The following LRRC3B variants were observed in gnomAD, a reference collection of about 807,000 sequenced individuals.
The protein encoded by LRRC3B is leucine rich repeat containing 3B, also known as leucine-rich repeat-containing protein 3B.
A neutral mutation model predicts 12.8 loss-of-function variants in LRRC3B; 2 were observed. The observed-to-expected ratio is 0.16, with a 90% CI of 0.06 to 0.49. The LOEUF (loss-of-function observed/expected upper bound fraction) is 0.49, where lower values mean the gene tolerates loss of function less well. Ranked by LOEUF, LRRC3B falls within the 20% of genes least tolerant of loss-of-function variation. The pLI is 0.96. For synonymous variants in LRRC3B, 132 were observed against 122.0 expected (o/e 1.08, Z -0.54); for missense variants, 189 against 319.4 (o/e 0.59, Z 3.11).
chr3:26,663,411 A>C (rs1368687691), intron 1 of LRRC3B, among the ~76,000 whole-genome samples: 1 of 152,056 alleles, frequency 6.6e-6, no homozygotes. Flanking sequence ...TTTTAAGAGA[A>C]TTTTGTTAAT....
chr3:26,659,447 T>C (rs1699447326), intron 1 of LRRC3B, among the ~76,000 whole-genome samples: 1 of 152,194 alleles, frequency 6.6e-6, no homozygotes, highest in Non-Finnish European at 1.5e-5. Flanking sequence ...CCTCTCAGGA[T>C]TTTTGGAAAG....
exon 2 of LRRC3B, chr3:26,709,720 C>A (rs762986033): frequency 1.9e-6 from 3 of 1,614,070 alleles, no homozygotes; most frequent in Non-Finnish European, 2.5e-6. Flanking sequence ...CCATGTGTCT[C>A]CTCCTACAAA....
intron 1 of LRRC3B, among the ~76,000 whole-genome samples, chr3:26,668,154 G>GT (rs1445721341): frequency 6.6e-6 from 1 of 152,088 alleles, no homozygotes; most frequent in Non-Finnish European, 1.5e-5. Context: ...GAGTAGGTTA[G>GT]TTTTCTTTTT....
At chr3:26,685,200 A>C (rs1031305650) in intron 1 of LRRC3B, among the ~76,000 whole-genome samples, 1 of 151,938 alleles carries the variant, frequency 6.6e-6, no homozygotes, top group Admixed American at 6.6e-5. Context: ...TGATCCACCC[A>C]CCTTGGCCTC....
intron 1 of LRRC3B, among the ~76,000 whole-genome samples, chr3:26,640,857 A>C (rs1018130360): frequency 6.6e-6 from 1 of 152,206 alleles, no homozygotes; most frequent in Non-Finnish European, 1.5e-5. Flanking sequence ...TTGATCCAGG[A>C]AAGGTCAAAT....
intron 1 of LRRC3B, among the ~76,000 whole-genome samples, chr3:26,700,360 AAG>A (rs940373292): frequency 2.0e-5 from 3 of 152,242 alleles, no homozygotes; most frequent in Middle Eastern, 3.4e-3. Flanking sequence ...TGGCCAGGAA[AAG>A]AGATATAGAA....
intron 1 of LRRC3B, among the ~76,000 whole-genome samples, chr3:26,660,467 T>G (rs1699470766): frequency 6.6e-6 from 1 of 152,054 alleles, no homozygotes; most frequent in Non-Finnish European, 1.5e-5. Context: ...GATTTTTTTC[T>G]GTGTAAACAG....
chr3:26,699,857 A>G (rs534199386), intron 1 of LRRC3B, among the ~76,000 whole-genome samples: 1 of 152,330 alleles, frequency 6.6e-6, no homozygotes, highest in South Asian at 2.1e-4. Flanking sequence ...CATGTTGCAT[A>G]ATAAATATGG....
chr3:26,649,226 C>G (rs1296669556), intron 1 of LRRC3B, among the ~76,000 whole-genome samples: 1 of 152,170 alleles, frequency 6.6e-6, no homozygotes, highest in Non-Finnish European at 1.5e-5. Flanking sequence ...AAACACTGAA[C>G]AGAATTATCT....
At chr3:26,649,150 C>A (rs1419681275) in intron 1 of LRRC3B, among the ~76,000 whole-genome samples, 4 of 152,168 alleles carry the variant, frequency 2.6e-5, no homozygotes, top group African/African-American at 9.6e-5. Context: ...GAGTATAGAT[C>A]TGATACCTAA....
chr3:26,669,529 G>A (rs1343439206), intron 1 of LRRC3B, among the ~76,000 whole-genome samples: 1 of 151,982 alleles, frequency 6.6e-6, no homozygotes, highest in East Asian at 1.9e-4. Flanking sequence ...TTAACCCCAT[G>A]ATAACCCCAA....
At chr3:26,693,328 C>CAAAA (rs71950080) in intron 1 of LRRC3B, among the ~76,000 whole-genome samples, 21 of 96,126 alleles carry the variant, frequency 2.2e-4, no homozygotes, top group Middle Eastern at 7.2e-3. Flanking sequence ...AACTCCGTCT[C>CAAAA]AAAAAAAAAA....
chr3:26,650,642 C>G (rs1260222109), intron 1 of LRRC3B, among the ~76,000 whole-genome samples: 1 of 152,090 alleles, frequency 6.6e-6, no homozygotes. Flanking sequence ...AATACCCCTT[C>G]TTTTCCAAAA....
intron 1 of LRRC3B, among the ~76,000 whole-genome samples, chr3:26,661,958 G>A (rs1046451520): frequency 2.6e-5 from 4 of 152,134 alleles, no homozygotes; most frequent in African/African-American, 4.8e-5. Flanking sequence ...AGAGTTACAG[G>A]TTCTGACCTC....
chr3:26,645,194 C>A (rs1699117985), intron 1 of LRRC3B, among the ~76,000 whole-genome samples: 1 of 152,126 alleles, frequency 6.6e-6, no homozygotes, highest in African/African-American at 2.4e-5. Context: ...TTAAAGAAAT[C>A]TCAGAGATAA....
chr3:26,710,350 G>A (rs771035820), exon 2 of LRRC3B: 17 of 1,613,872 alleles, frequency 1.1e-5, no homozygotes, highest in Non-Finnish European at 1.4e-5. Context: ...ATTATGTGAG[G>A]CAAAATCAGG....
chr3:26,704,948 G>A (rs1265735684), intron 1 of LRRC3B, among the ~76,000 whole-genome samples: 1 of 152,096 alleles, frequency 6.6e-6, no homozygotes, highest in African/African-American at 2.4e-5. Context: ...AAATTCTGCT[G>A]TTTAGTAATA....
intron 1 of LRRC3B, among the ~76,000 whole-genome samples, chr3:26,666,164 A>T (rs1699593565): frequency 6.6e-6 from 1 of 152,126 alleles, no homozygotes; most frequent in South Asian, 2.1e-4. Context: ...TATGATCTGG[A>T]TCCTAAATTT....
chr3:26,704,916 GCTAT>G (rs376248841), intron 1 of LRRC3B, among the ~76,000 whole-genome samples: 255 of 151,988 alleles, frequency 1.7e-3, no homozygotes, highest in African/African-American at 3.2e-3. Context: ...TTCCTGTTTT[GCTAT>G]CTATTTCCTT....
Sources: gnomAD v4.1 joint callset for allele counts (sites outside exome capture counted in the v4.1 genomes callset) on GRCh38, gnomAD v4.1.1 for gene constraint, MANE v1.5 for transcripts, NCBI Gene and HGNC (gene_info 2026-07-23, HGNC 2026-07-21) for gene names.